CSMD1: variants seen among roughly 807,000 people sequenced by gnomAD.
The protein encoded by CSMD1 is CUB and sushi domain-containing protein 1.
In CSMD1, 213 loss-of-function variants were observed where a neutral mutation model predicts 417.5. The observed-to-expected ratio is 0.51, with a 90% confidence interval of 0.46 to 0.57. The LOEUF is 0.57. Ranked by LOEUF, CSMD1 falls within the 20% of genes least tolerant of loss-of-function variation. CSMD1 has a pLI of 0.00. For synonymous variants in CSMD1, 2,862 were observed against 1,736.8 expected (o/e 1.65, Z -16.11); for missense variants, 6,923 against 4,529.7 (o/e 1.53, Z -15.17).
intron 3 of CSMD1, among the ~76,000 whole-genome samples, chr8:4,224,199 C>T (rs561259422): frequency 6.8e-6 from 1 of 148,022 alleles, no homozygotes; most frequent in Non-Finnish European, 1.5e-5. Context: ...TTATGCAAAG[C>T]GTTTGTGATC....
At chr8:3,824,019 G>C (rs534720232) in intron 5 of CSMD1, among the ~76,000 whole-genome samples, 2 of 152,174 alleles carry the variant, frequency 1.3e-5, no homozygotes, top group South Asian at 4.1e-4. Context: ...CTCTGTGCCT[G>C]AATATTCCCT....
chr8:3,118,643 G>A (rs533804575), intron 41 of CSMD1, 56 bp from the exon 42 acceptor site: 40 of 1,490,574 alleles, frequency 2.7e-5, no homozygotes, highest in Middle Eastern at 1.9e-4. Context: ...AAATTACTTC[G>A]GAATTTGCAG....
intron 5 of CSMD1, among the ~76,000 whole-genome samples, chr8:3,800,699 G>A (rs1357231384): frequency 1.3e-5 from 2 of 152,140 alleles, no homozygotes; most frequent in Non-Finnish European, 2.9e-5. Flanking sequence ...GTGAGTTCTT[G>A]TTCTGACAAG....
At chr8:3,714,466 T>C (rs1275492627) in intron 6 of CSMD1, among the ~76,000 whole-genome samples, 1 of 149,842 alleles carries the variant, frequency 6.7e-6, no homozygotes, top group Non-Finnish European at 1.5e-5. Context: ...TTCACATCTG[T>C]AATCCCAGCA....
chr8:4,669,299 C>G (rs117841207), intron 1 of CSMD1, among the ~76,000 whole-genome samples: 11 of 152,284 alleles, frequency 7.2e-5, no homozygotes, highest in East Asian at 3.9e-4. Context: ...CACTAAAAAT[C>G]CTTACAAGAA....
intron 3 of CSMD1, among the ~76,000 whole-genome samples, chr8:4,261,948 A>G (rs556988946): frequency 1.3e-4 from 20 of 152,304 alleles, no homozygotes; most frequent in African/African-American, 3.8e-4. Flanking sequence ...AATGTAACAA[A>G]ACAGAAAAAA....
intron 23 of CSMD1, among the ~76,000 whole-genome samples, chr8:3,326,835 T>G (rs998332101): frequency 5.9e-5 from 9 of 152,204 alleles, no homozygotes; most frequent in African/African-American, 2.2e-4. Context: ...TAAAAATGCC[T>G]TTTCAGGATT....
chr8:4,146,665 G>C (rs1023624258), intron 3 of CSMD1, among the ~76,000 whole-genome samples: 1 of 130,468 alleles, frequency 7.7e-6, no homozygotes, highest in Non-Finnish European at 1.5e-5. Context: ...AGGCTGGAGC[G>C]CAGTGGTGTG....
intron 1 of CSMD1, among the ~76,000 whole-genome samples, chr8:4,670,768 T>G (rs1585424831): frequency 1.3e-5 from 2 of 152,238 alleles, no homozygotes; most frequent in South Asian, 2.1e-4. Context: ...ACACAAAAAT[T>G]TATAATATAA....
intron 54 of CSMD1, among the ~76,000 whole-genome samples, chr8:2,984,173 C>G (rs1805656326): frequency 6.6e-6 from 1 of 152,114 alleles, no homozygotes. Flanking sequence ...CCGTTTATGT[C>G]GCTGCCTCAA....
chr8:4,693,921 G>A (rs1806947008), intron 1 of CSMD1, among the ~76,000 whole-genome samples: 1 of 141,300 alleles, frequency 7.1e-6, no homozygotes. Context: ...ATTTTCAAAG[G>A]TCACAAATGG....
intron 1 of CSMD1, among the ~76,000 whole-genome samples, chr8:4,789,696 T>A (rs1563390580): frequency 6.6e-6 from 1 of 152,196 alleles, no homozygotes; most frequent in Non-Finnish European, 1.5e-5. Context: ...TGTACTTATT[T>A]ATGATCCTGT....
chr8:3,310,785 G>T (rs1161610267), intron 23 of CSMD1, among the ~76,000 whole-genome samples: 1 of 152,112 alleles, frequency 6.6e-6, no homozygotes, highest in Non-Finnish European at 1.5e-5. Flanking sequence ...AGGAAACTGT[G>T]GGGTTCTGCA....
intron 3 of CSMD1, among the ~76,000 whole-genome samples, chr8:4,121,603 T>C (rs572229372): frequency 2.7e-5 from 4 of 145,534 alleles, no homozygotes; most frequent in South Asian, 2.2e-4. Flanking sequence ...GTAAATCATG[T>C]GCATAAACAC....
intron 1 of CSMD1, among the ~76,000 whole-genome samples, chr8:4,948,019 T>A (rs1419850757): frequency 6.6e-6 from 1 of 152,060 alleles, no homozygotes; most frequent in Non-Finnish European, 1.5e-5. Flanking sequence ...TGTCAGCTTG[T>A]GTTACACATT....
chr8:3,877,417 G>A (rs1805897850), intron 5 of CSMD1, among the ~76,000 whole-genome samples: 1 of 152,194 alleles, frequency 6.6e-6, no homozygotes, highest in Admixed American at 6.5e-5. Flanking sequence ...AGGCTCAGAA[G>A]CGGAGTCTAG....
At chr8:3,755,980 T>G (rs958225216) in intron 5 of CSMD1, among the ~76,000 whole-genome samples, 28 of 152,118 alleles carry the variant, frequency 1.8e-4, no homozygotes, top group Admixed American at 1.8e-3. Context: ...ATTTGCCTAA[T>G]ACGGAGAATG....
chr8:3,495,058 T>C (rs927503668), intron 10 of CSMD1, among the ~76,000 whole-genome samples: 16 of 152,242 alleles, frequency 1.1e-4, no homozygotes, highest in African/African-American at 3.9e-4. Flanking sequence ...TTATAATTTA[T>C]TTAAAAAACC....
At chr8:4,018,161 C>T (rs1421443021) in intron 4 of CSMD1, among the ~76,000 whole-genome samples, 4 of 152,018 alleles carry the variant, frequency 2.6e-5, no homozygotes, top group Admixed American at 2.6e-4. Context: ...CAAAGAAACC[C>T]TTTATAAAAA....
Sources: allele counts gnomAD v4.1 joint callset (sites outside exome capture counted in the v4.1 genomes callset), GRCh38; gene constraint gnomAD v4.1.1; transcripts MANE v1.5; gene names NCBI Gene and HGNC (gene_info 2026-07-23, HGNC 2026-07-21).